Variants in GALNT11 observed in about 807,000 individuals in gnomAD.
The protein encoded by GALNT11 is polypeptide N-acetylgalactosaminyltransferase 11, also known as UDP-GalNAc:polypeptide N-acetylgalactosaminyltransferase 11.
A neutral mutation model predicts 72.7 loss-of-function variants in GALNT11; 47 were observed. The observed-to-expected ratio is 0.65, with a 90% CI of 0.51 to 0.82. The LOEUF (loss-of-function observed/expected upper bound fraction) is 0.82. Among genes scored for constraint, GALNT11 ranks in the 40% least tolerant of loss-of-function variants. The probability of loss-of-function intolerance (pLI) is 0.00; values close to 1 mark genes in which losing one functional copy is unlikely to be tolerated. For missense variants in GALNT11, 677 were observed against 778.4 expected (o/e 0.87, Z 1.55); for synonymous variants, 270 against 286.6 (o/e 0.94, Z 0.58).
intron 10 of GALNT11, chr7:152,120,092 T>C (rs1648848222): frequency 6.6e-6 from 1 of 152,252 alleles, no homozygotes; most frequent in African/African-American, 2.4e-5. Flanking sequence ...TGCATAGTTG[T>C]GCTAATTCTG....
intron 8 of GALNT11, among the ~76,000 whole-genome samples, chr7:152,114,316 A>C (rs562395386): frequency 1.3e-5 from 2 of 152,274 alleles, no homozygotes; most frequent in South Asian, 4.1e-4. Context: ...ACAGCCAATA[A>C]GCAACCATTA....
At chr7:152,093,299 G>C (rs1353373298) in intron 1 of GALNT11, among the ~76,000 whole-genome samples, 2 of 151,564 alleles carry the variant, frequency 1.3e-5, no homozygotes, top group East Asian at 3.9e-4. Context: ...TTCTTGCCTT[G>C]TTTTATAGGT....
At chr7:152,114,403 T>C (rs1445108123) in intron 8 of GALNT11, among the ~76,000 whole-genome samples, 1 of 152,206 alleles carries the variant, frequency 6.6e-6, no homozygotes, top group Non-Finnish European at 1.5e-5. Context: ...TGTGGTCTTT[T>C]CTGTCTGGCT....
At chr7:152,099,966 T>C (rs1206476112) in intron 2 of GALNT11, among the ~76,000 whole-genome samples, 1 of 146,412 alleles carries the variant, frequency 6.8e-6, no homozygotes, top group Non-Finnish European at 1.5e-5. Flanking sequence ...TTTTTTTTTT[T>C]TTTTGTAGTA....
intron 3 of GALNT11, among the ~76,000 whole-genome samples, chr7:152,101,644 G>C (rs915092958): frequency 1.1e-3 from 131 of 123,356 alleles, no homozygotes; most frequent in Admixed American, 1.6e-3. Flanking sequence ...CTTTTTTTTG[G>C]GGGGGGGGGG....
intron 1 of GALNT11, among the ~76,000 whole-genome samples, chr7:152,036,422 C>T (rs2082582681): frequency 1.3e-5 from 2 of 152,136 alleles, no homozygotes; most frequent in African/African-American, 4.8e-5. Flanking sequence ...GATGGGATCT[C>T]ATTCTTTTTT....
intron 1 of GALNT11, among the ~76,000 whole-genome samples, chr7:152,078,755 C>T (rs2085136667): frequency 6.6e-6 from 1 of 151,986 alleles, no homozygotes; most frequent in Non-Finnish European, 1.5e-5. Flanking sequence ...TTTTTTTAAT[C>T]ACATTTACAA....
chr7:152,100,808 T>G lies in GALNT11; in HGVS notation c.306T>G (p.Phe102Leu), dbSNP rs1335435976. The G allele has an allele frequency of 1.4e-5, 22 of 1,613,666 alleles. No homozygotes were observed. In the Middle Eastern group the frequency reaches 9.9e-4, roughly 72 times the overall value. ...TTCACTCTTTTGCAGGTATGATTTTTAATGAACGCGATCAAGAGTTGAGAG... is the reference window on the plus strand; with the variant it reads ...TTCACTCTTTTGCAGGTATGATTTTGAATGAACGCGATCAAGAGTTGAGAG... Reference protein sequence around the residue: ...LKFSSELGMIFNERDQELRDL... With the variant: ...LKFSSELGMILNERDQELRDL... Residue 102 changes from phenylalanine (F) to leucine (L), a missense_variant, in exon 3 of 12, where the codon TTT becomes TTG. Coordinates refer to ENST00000430044, the MANE Select transcript of GALNT11 (RefSeq NM_022087.4).
intron 1 of GALNT11, among the ~76,000 whole-genome samples, chr7:152,092,109 C>T (rs1439948028): frequency 6.6e-6 from 1 of 152,160 alleles, no homozygotes; most frequent in Admixed American, 6.5e-5. Context: ...TGTCCGGTTA[C>T]ACTCTTTAAC....
intron 1 of GALNT11, among the ~76,000 whole-genome samples, chr7:152,048,836 G>C (rs1213312213): frequency 6.6e-6 from 1 of 151,382 alleles, no homozygotes; most frequent in Non-Finnish European, 1.5e-5. Context: ...TGTCTCTTCT[G>C]ACTCTGTATG....
At chr7:152,047,918 C>T (rs1365965054) in intron 1 of GALNT11, among the ~76,000 whole-genome samples, 2 of 151,926 alleles carry the variant, frequency 1.3e-5, no homozygotes, top group Non-Finnish European at 1.5e-5. Flanking sequence ...AGTCTTTCTA[C>T]TCAAGACATG....
At position 152,100,810 on chromosome 7, in the gene GALNT11, A is replaced by C. The variant is rs1245748095; in HGVS notation, c.308A>C (p.Asn103Thr). ...KFSSELGMIFNERDQELRDLG... is the reference protein window; with the variant it reads ...KFSSELGMIFTERDQELRDLG... The stretch of plus-strand genomic sequence containing the variant: ...CACTCTTTTGCAGGTATGATTTTTA[A>C]TGAACGCGATCAAGAGTTGAGAGAC... The change falls in exon 3 of 12, where the codon AAT becomes ACT. Residue 103 changes from asparagine (N) to threonine (T), a missense_variant. Asn to Thr is a moderately conservative substitution (Grantham distance 65). Transcript: ENST00000430044. 3 of 1,613,692 alleles carry C rather than the reference A, an allele frequency of 1.9e-6. No homozygotes were observed. In the Admixed American group the frequency reaches 5.0e-5, roughly 27 times the overall value.
chr7:152,094,246 C>A lies in GALNT11; in HGVS notation c.19C>A (p.Arg7=). 6.2e-7 allele frequency: 1 copy of A among 1,606,136 alleles called. No individual in the cohort carries two copies. Among genetic ancestry groups the A allele is most frequent in the Non-Finnish European group, 8.5e-7 (1 of 1,175,480 alleles). ...GTCTATAATGGGAAGTGTCACAGTTCGGTATTTCTGTTATGGGTGCCTTTT... is the reference window on the plus strand; with the variant it reads ...GTCTATAATGGGAAGTGTCACAGTTAGGTATTTCTGTTATGGGTGCCTTTT... MGSVTV[R]YFCYGCLFTS... is the part of the protein sequence containing the mutation. Residue 7 remains arginine, a synonymous_variant, in exon 2 of 12, where the codon CGG becomes AGG. Transcript: ENST00000430044. The surrounding 1 kb of genome is among the most constrained non-coding windows in gnomAD (Gnocchi z 4.3).
intron 1 of GALNT11, among the ~76,000 whole-genome samples, chr7:152,035,984 A>C (rs568804826): frequency 1.2e-4 from 18 of 152,132 alleles, no homozygotes; most frequent in Non-Finnish European, 2.6e-4. Flanking sequence ...TGCTTCTGCT[A>C]ACTTGCTGAT....
At chr7:152,117,604 A>T in intron 9 of GALNT11, 1 of 568,558 alleles carries the variant, frequency 1.8e-6, no homozygotes, top group Non-Finnish European at 3.1e-6. Context: ...AGGGTAAGTT[A>T]TGTGACGCTT....
chr7:152,056,879 C>T (rs2083708644), intron 1 of GALNT11, among the ~76,000 whole-genome samples: 1 of 151,786 alleles, frequency 6.6e-6, no homozygotes, highest in South Asian at 2.1e-4. Flanking sequence ...TTCACCTACT[C>T]AGGCTGGAGT....
intron 1 of GALNT11, among the ~76,000 whole-genome samples, chr7:152,053,517 C>G (rs893123429): frequency 2.0e-5 from 3 of 152,220 alleles, no homozygotes; most frequent in African/African-American, 7.2e-5. Flanking sequence ...TGTCTGCATC[C>G]TCATTCCATA....
rs1197532251 is a variant in GALNT11 at position 152,105,373 on chromosome 7, A to ATCAC, written c.712+5_712+8dup. ...GATTGGCGCGGCCCACGCGACAGGT[A>ATCAC]TCACTTCTCGTTAGCTTTGCTCTAC... On this transcript the variant is annotated splice_donor_region_variant and intron_variant, in intron 5 of 11. Transcript: ENST00000430044. 6.2e-7 allele frequency: 1 copy of ATCAC among 1,612,080 alleles called. No homozygotes were observed. Among genetic ancestry groups the ATCAC allele is most frequent in the South Asian group, 1.1e-5 (1 of 90,600 alleles).
intron 7 of GALNT11, among the ~76,000 whole-genome samples, chr7:152,110,870 A>G (rs1490171934): frequency 1.3e-5 from 2 of 151,410 alleles, no homozygotes; most frequent in Non-Finnish European, 2.9e-5. Flanking sequence ...AGCTGGGACT[A>G]CAGGCATGTG....
Sources: gnomAD v4.1 joint callset for allele counts (sites outside exome capture counted in the v4.1 genomes callset) on GRCh38, gnomAD v4.1.1 for gene constraint, Gnocchi (gnomAD v3.1) non-coding constraint, MANE v1.5 for transcripts, NCBI Gene and HGNC (gene_info 2026-07-23, HGNC 2026-07-21) for gene names.